PATJ: variants seen among roughly 807,000 people sequenced by gnomAD.
PATJ encodes inaD-like protein.
In PATJ, 190 loss-of-function variants were observed where a neutral mutation model predicts 224.9. That is an observed-to-expected ratio of 0.84 (90% CI 0.75 to 0.95). The LOEUF (loss-of-function observed/expected upper bound fraction) is 0.95, where lower values mean the gene tolerates loss of function less well. PATJ is among the 40% of genes least tolerant of loss of function. PATJ has a pLI of 0.00. For synonymous variants in PATJ, 769 were observed against 820.3 expected (o/e 0.94, Z 1.07); for missense variants, 2,121 against 2,270.3 (o/e 0.93, Z 1.34).
Position 62,136,671 on chromosome 1 carries a change from G to C in PATJ, c.5271+7726G>C, listed in dbSNP as rs867151102. ...TGCGTGTGTGTGTGTGTGTCTGTGTGTGTGTGTGTGTGTGTGTGTGTCTGT... is the reference window on the plus strand; with the variant it reads ...TGCGTGTGTGTGTGTGTGTCTGTGTCTGTGTGTGTGTGTGTGTGTGTCTGT... On this transcript the variant is annotated intron_variant, in intron 41 of 43. Transcript: ENST00000642238. Among the ~76,000 whole-genome samples, 6 of 149,868 alleles carry C rather than the reference G, an allele frequency of 4.0e-5. No individual in the cohort carries two copies. The South Asian group carries it at 6.4e-4, about 16-fold the overall frequency.
intron 25 of PATJ, among the ~76,000 whole-genome samples, chr1:61,910,052 A>T (rs1034402391): frequency 2.6e-5 from 4 of 152,234 alleles, no homozygotes; most frequent in Non-Finnish European, 2.9e-5. Flanking sequence ...TTTAGAATTC[A>T]GTTTTTAATT....
chr1:61,922,225 A>T (rs1310903113), intron 26 of PATJ, among the ~76,000 whole-genome samples: 1 of 151,930 alleles, frequency 6.6e-6, no homozygotes, highest in Non-Finnish European at 1.5e-5. Context: ...TTATTTTTTT[A>T]GTAAAAATGG....
chr1:62,155,973 G>T (rs1241958296), intron 43 of PATJ, among the ~76,000 whole-genome samples: 1 of 146,890 alleles, frequency 6.8e-6, no homozygotes. Context: ...CAGGAGAATG[G>T]CGTGAACCCG....
chr1:62,096,424 G>A (rs1201052606), intron 33 of PATJ, among the ~76,000 whole-genome samples: 2 of 152,184 alleles, frequency 1.3e-5, no homozygotes, highest in African/African-American at 4.8e-5. Flanking sequence ...TGAGACTCCT[G>A]CAGTCTGGCT....
At chr1:62,012,229 G>A (rs1646496227) in intron 28 of PATJ, among the ~76,000 whole-genome samples, 3 of 152,002 alleles carry the variant, frequency 2.0e-5, no homozygotes, top group Admixed American at 2.0e-4. Context: ...TTTTTTATGT[G>A]TACCATTCAG....
chr1:61,943,752 A>G (rs1678209854), intron 27 of PATJ, among the ~76,000 whole-genome samples: 1 of 152,212 alleles, frequency 6.6e-6, no homozygotes, highest in South Asian at 2.1e-4. Context: ...CTCCCACCAC[A>G]GAGTTTGAGA....
At chr1:61,957,407 A>G (rs904767487) in intron 27 of PATJ, among the ~76,000 whole-genome samples, 1 of 152,224 alleles carries the variant, frequency 6.6e-6, no homozygotes, top group Non-Finnish European at 1.5e-5. Flanking sequence ...AAGGAATTAT[A>G]TATTTGGGAA....
In PATJ at chr1:61,903,398, T is replaced by A. The variant is rs555228024; in HGVS notation, c.3381+1939T>A. On this transcript the variant is annotated intron_variant, in intron 24 of 43. Coordinates refer to ENST00000642238, the MANE Select transcript of PATJ (RefSeq NM_001350145.3). ...AAGATGGAATTTCTGTTTGCTGAGA[T>A]GGGCAAGACTGTGGGAGGAACAGAT... 2.6e-5 allele frequency among the ~76,000 whole-genome samples: 4 copies of A among 152,340 alleles called. No homozygotes were observed. The South Asian group carries it at 8.3e-4, about 32-fold the overall frequency.
At chr1:61,812,395 A>AG (rs1654994563) in intron 14 of PATJ, among the ~76,000 whole-genome samples, 4 of 94,532 alleles carry the variant, frequency 4.2e-5, no homozygotes, top group African/African-American at 1.7e-4. Flanking sequence ...AGAGAGAGAG[A>AG]ATGTGAGTGA....
Position 61,762,915 on chromosome 1 carries a change from G to GTA in PATJ, c.22+4_22+5dup. The GTA allele has an allele frequency of 6.5e-7, 1 of 1,549,172 alleles. No homozygotes were observed. Among genetic ancestry groups the GTA allele is most frequent in the Non-Finnish European group, 8.8e-7 (1 of 1,133,592 alleles). On this transcript the variant is annotated splice_donor_variant, in intron 2 of 43. Transcript: ENST00000642238. LOFTEE classifies it high-confidence loss of function. ...AAAATGCCTGAAAATCCTGCTACAGGTATACTGGATATATTGTTCTATAAT... is the reference window on the plus strand; with the variant it reads ...AAAATGCCTGAAAATCCTGCTACAGGTATATACTGGATATATTGTTCTATAAT...
At chr1:62,019,804 A>G (rs1440437466) in intron 29 of PATJ, among the ~76,000 whole-genome samples, 1 of 152,156 alleles carries the variant, frequency 6.6e-6, no homozygotes, top group Non-Finnish European at 1.5e-5. Context: ...GTCAGCACTC[A>G]AGAGATTAAG....
At chr1:61,835,440 G>A (rs545447974) in intron 17 of PATJ, among the ~76,000 whole-genome samples, 3 of 152,118 alleles carry the variant, frequency 2.0e-5, no homozygotes, top group Non-Finnish European at 4.4e-5. Context: ...GTCTCACTCT[G>A]TCGCCCAGGC....
At chr1:61,987,770 C>T (rs766316650) in intron 27 of PATJ, among the ~76,000 whole-genome samples, 11 of 152,184 alleles carry the variant, frequency 7.2e-5, no homozygotes, top group Non-Finnish European at 8.8e-5. Flanking sequence ...ATCCCAACTG[C>T]GTTTTCCTCT....
At chr1:61,903,642 G>C (rs72676251) in intron 24 of PATJ, among the ~76,000 whole-genome samples, 3,876 of 151,932 alleles carry the variant, frequency 0.026, 86 homozygotes, top group Middle Eastern at 0.034. Context: ...TAGTGGATTT[G>C]TTGTTGGTGA....
At chr1:62,117,482 C>G (rs542066113) in intron 37 of PATJ, 1 of 1,094,218 alleles carries the variant, frequency 9.1e-7, no homozygotes, top group African/African-American at 1.6e-5. Context: ...TGCCTATGCA[C>G]GCATGTACAC....
At chr1:61,928,365 T>C (rs74076820) in intron 27 of PATJ, among the ~76,000 whole-genome samples, 3,127 of 152,338 alleles carry the variant, frequency 0.021, 136 homozygotes, top group African/African-American at 0.072. Context: ...TAGTGTATAC[T>C]ATTGCTAATG....
At chr1:62,110,312 G>C (rs563616551) in intron 34 of PATJ, among the ~76,000 whole-genome samples, 1 of 152,298 alleles carries the variant, frequency 6.6e-6, no homozygotes, top group South Asian at 2.1e-4. Flanking sequence ...ACAAATGTGT[G>C]ATGAGGCATC....
intron 42 of PATJ, among the ~76,000 whole-genome samples, chr1:62,151,445 G>C (rs908595084): frequency 6.6e-6 from 1 of 151,772 alleles, no homozygotes; most frequent in Non-Finnish European, 1.5e-5. Flanking sequence ...AAAAAAATTA[G>C]CCAGGAGTGG....
At chr1:61,771,703 G>A (rs1557615266) in intron 6 of PATJ, 77 bp downstream of exon 6, 1 of 1,076,210 alleles carries the variant, frequency 9.3e-7, no homozygotes, top group South Asian at 2.0e-5. Flanking sequence ...CATTTAGAAG[G>A]TGTCATTTTA....
Sources: allele counts gnomAD v4.1 joint callset (sites outside exome capture counted in the v4.1 genomes callset), GRCh38; gene constraint gnomAD v4.1.1; transcripts MANE v1.5; gene names NCBI Gene and HGNC (gene_info 2026-07-23, HGNC 2026-07-21).